SORCS3: variants seen among roughly 807,000 people sequenced by gnomAD.
The protein encoded by SORCS3 is VPS10 domain-containing receptor SorCS3.
SORCS3 carries 57 observed loss-of-function variants against 146.3 expected under a neutral mutation model. That is an observed-to-expected ratio of 0.39 (90% CI 0.31 to 0.49). The LOEUF is 0.49. SORCS3 is among the 20% of genes least tolerant of loss of function. The probability of loss-of-function intolerance (pLI) is 0.92; values close to 1 mark genes in which losing one functional copy is unlikely to be tolerated. For missense variants in SORCS3, 1,341 were observed against 1,575.5 expected (o/e 0.85, Z 2.52); for synonymous variants, 653 against 618.5 (o/e 1.06, Z -0.83).
chr10:105,230,722 G>A (rs975962806), intron 20 of SORCS3, among the ~76,000 whole-genome samples: 1 of 152,188 alleles, frequency 6.6e-6, no homozygotes, highest in African/African-American at 2.4e-5. Context: ...GCAGCTAGGT[G>A]CAGTGGTGAC....
At chr10:105,017,713 G>T (rs1219524475) in intron 4 of SORCS3, among the ~76,000 whole-genome samples, 1 of 152,184 alleles carries the variant, frequency 6.6e-6, no homozygotes, top group East Asian at 1.9e-4. Flanking sequence ...ATCCTTGTCT[G>T]TTATGATCCA....
chr10:104,918,586 C>G (rs1431818014), intron 3 of SORCS3, among the ~76,000 whole-genome samples: 4 of 152,170 alleles, frequency 2.6e-5, no homozygotes, highest in Non-Finnish European at 5.9e-5. Context: ...GAGAAGGAAG[C>G]AGAGGCCCAC....
At chr10:104,919,308 C>T (rs1452925689) in intron 3 of SORCS3, among the ~76,000 whole-genome samples, 1 of 152,014 alleles carries the variant, frequency 6.6e-6, no homozygotes, top group Non-Finnish European at 1.5e-5. Flanking sequence ...GAAAGTTAAA[C>T]ATACAGACAT....
intron 1 of SORCS3, among the ~76,000 whole-genome samples, chr10:104,680,051 G>A (rs1009478731): frequency 6.6e-6 from 1 of 152,198 alleles, no homozygotes. Flanking sequence ...ATGTAAAGGA[G>A]ACCTCTAAAA....
At chr10:104,853,255 C>T (rs983757831) in intron 2 of SORCS3, among the ~76,000 whole-genome samples, 1 of 152,204 alleles carries the variant, frequency 6.6e-6, no homozygotes, top group African/African-American at 2.4e-5. Flanking sequence ...GCCAAGATTG[C>T]ACCACTGCAC....
At chr10:104,746,294 G>A (rs533452826) in intron 1 of SORCS3, among the ~76,000 whole-genome samples, 18 of 152,052 alleles carry the variant, frequency 1.2e-4, no homozygotes, top group Admixed American at 7.9e-4. Context: ...CCGCCACTAC[G>A]CCTGGCTAAT....
intron 14 of SORCS3, among the ~76,000 whole-genome samples, chr10:105,192,660 C>T (rs2056523113): frequency 6.6e-6 from 1 of 152,150 alleles, no homozygotes; most frequent in Admixed American, 6.5e-5. Flanking sequence ...CAAAGATGCA[C>T]TCAATAGTCA....
At chr10:105,157,044 G>A in intron 9 of SORCS3, 94 bp from the exon 10 acceptor site, 1 of 1,420,282 alleles carries the variant, frequency 7.0e-7, no homozygotes, top group South Asian at 1.3e-5. Flanking sequence ...ACCCCAACAT[G>A]CCGTGGGAAA....
intron 2 of SORCS3, among the ~76,000 whole-genome samples, chr10:104,874,561 C>G (rs1475005199): frequency 2.0e-5 from 3 of 151,984 alleles, no homozygotes; most frequent in African/African-American, 4.8e-5. Flanking sequence ...TCTGGAAACC[C>G]TTAAATGGTA....
At chr10:105,022,238 T>A (rs1387164743) in intron 4 of SORCS3, among the ~76,000 whole-genome samples, 1 of 152,074 alleles carries the variant, frequency 6.6e-6, no homozygotes, top group South Asian at 2.1e-4. Context: ...ATTTTACAAA[T>A]CTGTGGGGTG....
At chr10:104,949,469 AAGTGTGT>A (rs1226606471) in intron 3 of SORCS3, among the ~76,000 whole-genome samples, 5 of 152,236 alleles carry the variant, frequency 3.3e-5, no homozygotes, top group Admixed American at 3.3e-4. Context: ...TAGGGGTTCA[AAGTGTGT>A]AGTACTAAGA....
chr10:104,936,554 C>T (rs982499910), intron 3 of SORCS3, among the ~76,000 whole-genome samples: 8 of 152,142 alleles, frequency 5.3e-5, no homozygotes, highest in African/African-American at 1.4e-4. Flanking sequence ...ATAATCAGTT[C>T]GATTTGGGCA....
At chr10:105,088,089 A>G (rs1264776337) in intron 5 of SORCS3, among the ~76,000 whole-genome samples, 1 of 152,142 alleles carries the variant, frequency 6.6e-6, no homozygotes, top group Non-Finnish European at 1.5e-5. Context: ...GAGGAATGAG[A>G]GTTCACTAGG....
At chr10:105,148,929 T>C (rs1463764804) in intron 9 of SORCS3, among the ~76,000 whole-genome samples, 2 of 152,074 alleles carry the variant, frequency 1.3e-5, no homozygotes, top group African/African-American at 4.8e-5. Flanking sequence ...TGGGAGGTGA[T>C]TGGATCATAG....
chr10:104,708,114 A>T (rs1318917319), intron 1 of SORCS3, among the ~76,000 whole-genome samples: 1 of 152,230 alleles, frequency 6.6e-6, no homozygotes, highest in African/African-American at 2.4e-5. Context: ...CTGCATCTGA[A>T]TTTTAATAAA....
chr10:104,676,777 C>CT (rs995491850), intron 1 of SORCS3, among the ~76,000 whole-genome samples: 250 of 151,608 alleles, frequency 1.6e-3, no homozygotes, highest in African/African-American at 2.7e-3. Flanking sequence ...TCTTCCATCT[C>CT]TTTTTTTTTC....
In SORCS3 at chr10:105,147,729, C is replaced by G. The variant is rs2056141653; in HGVS notation, c.1415C>G (p.Thr472Ser). 1 of 1,613,034 alleles carries G rather than the reference C, an allele frequency of 6.2e-7. No individual in the cohort carries two copies. The highest frequency in any genetic ancestry group is 1.3e-5 in the African/African-American group (1 of 74,832). Residue 472 changes from threonine to serine, a missense_variant, in exon 9 of 27, where the codon ACT becomes AGT. By Grantham distance (58) the Thr-to-Ser change is moderately conservative. Transcript: ENST00000369701. ...YISDTRGIYF[T>S]LAMENIKSSR... Reference sequence around the variant, plus strand: ...TCAGACACGCGTGGGATTTACTTCACTCTGGCCATGGAGAACATCAAGAGC... The same window carrying G: ...TCAGACACGCGTGGGATTTACTTCAGTCTGGCCATGGAGAACATCAAGAGC...
chr10:104,993,890 C>T (rs2055008908), intron 4 of SORCS3, among the ~76,000 whole-genome samples: 1 of 152,092 alleles, frequency 6.6e-6, no homozygotes, highest in South Asian at 2.1e-4. Context: ...TTTTTTCCTC[C>T]AAAGTAGCTT....
At chr10:105,170,531 A>G (rs1042724057) in intron 13 of SORCS3, among the ~76,000 whole-genome samples, 2 of 152,206 alleles carry the variant, frequency 1.3e-5, no homozygotes, top group South Asian at 4.1e-4. Flanking sequence ...GATTTTTCAA[A>G]CTAAGCTTTT....
Sources: gnomAD v4.1 joint callset for allele counts (sites outside exome capture counted in the v4.1 genomes callset) on GRCh38, gnomAD v4.1.1 for gene constraint, MANE v1.5 for transcripts, NCBI Gene and HGNC (gene_info 2026-07-23, HGNC 2026-07-21) for gene names.